The following CENPU variants were observed in gnomAD, a reference collection of about 807,000 sequenced individuals.
CENPU encodes KSHV latent nuclear antigen interacting protein 1.
A neutral mutation model predicts 56.7 loss-of-function variants in CENPU; 46 were observed. The observed-to-expected ratio is 0.81, with a 90% CI of 0.64 to 1.04. The LOEUF (loss-of-function observed/expected upper bound fraction) is 1.04. Among genes scored for constraint, CENPU ranks in the 50% least tolerant of loss-of-function variants. The pLI is 0.00. For synonymous variants in CENPU, 166 were observed against 163.0 expected, an observed-to-expected ratio of 1.02 and a Z score of -0.14; for missense variants, 510 against 490.1, an observed-to-expected ratio of 1.04 and a Z score of -0.38.
chr4:184,702,031 A>G (rs771916036), intron 10 of CENPU, 58 bp downstream of exon 10: 4 of 1,127,904 alleles, frequency 3.5e-6, no homozygotes, highest in East Asian at 4.7e-5. Flanking sequence ...AAGTCTTCGC[A>G]TAACTCTACA....
chr4:184,701,484 G>A (rs545804958), intron 10 of CENPU, among the ~76,000 whole-genome samples: 22 of 152,220 alleles, frequency 1.4e-4, no homozygotes, highest in African/African-American at 4.8e-4. Context: ...TTCCACTCCT[G>A]GATTCACCTC....
chr4:184,710,060 CA>C lies in CENPU; in HGVS notation c.797+11del, dbSNP rs747401462. On this transcript the variant is annotated intron_variant, in intron 8 of 12. Transcript: ENST00000281453. ...TTATTAGGTAAATATAGCACATCAT[CA>C]AAAGACTTACTGATGCTCTAGGTGG... The C allele has an allele frequency of 1.8e-5, 28 of 1,530,378 alleles. No individual in the cohort carries two copies. The Admixed American group carries it at 2.9e-4, about 16-fold the overall frequency. 94.8% of individuals were successfully genotyped at this position (1,530,378 alleles called of 1,614,324 possible). A position where few individuals can be genotyped will look rare whatever the true frequency, so the allele number is the denominator to read the frequency against.
At chr4:184,719,754 A>G (rs1761212395) in intron 4 of CENPU, among the ~76,000 whole-genome samples, 1 of 152,146 alleles carries the variant, frequency 6.6e-6, no homozygotes, top group Non-Finnish European at 1.5e-5. Context: ...GTGAGAGGAG[A>G]GGAGAGGGAA....
intron 11 of CENPU, chr4:184,699,463 G>C: frequency 2.8e-6 from 2 of 714,912 alleles, no homozygotes; most frequent in Non-Finnish European, 4.3e-6. Flanking sequence ...TGATGAGTTA[G>C]CATAGGAAGC....
At chr4:184,724,748 C>G (rs189368645) in intron 4 of CENPU, among the ~76,000 whole-genome samples, 2 of 152,322 alleles carry the variant, frequency 1.3e-5, no homozygotes, top group African/African-American at 4.8e-5. Flanking sequence ...CTAGGATAAT[C>G]AGGTGTGAAT....
At chr4:184,697,433 G>T (rs1282726759) in intron 12 of CENPU, among the ~76,000 whole-genome samples, 1 of 152,176 alleles carries the variant, frequency 6.6e-6, no homozygotes, top group African/African-American at 2.4e-5. Flanking sequence ...TACACAATCA[G>T]CAATTCTAGA....
At chr4:184,729,465 T>C (rs950391647) in intron 2 of CENPU, among the ~76,000 whole-genome samples, 2 of 152,248 alleles carry the variant, frequency 1.3e-5, no homozygotes, top group Non-Finnish European at 1.5e-5. Flanking sequence ...AGAATGAGCA[T>C]GGCTGTGTTC....
chr4:184,713,105 T>A, intron 6 of CENPU, 92 bp from the exon 7 acceptor site: 1 of 841,622 alleles, frequency 1.2e-6, no homozygotes, highest in Non-Finnish European at 1.9e-6. Flanking sequence ...TCATTCAATA[T>A]TTTAGCTGCG....
intron 2 of CENPU, 98 bp downstream of exon 2, chr4:184,730,822 T>C: frequency 1.2e-6 from 1 of 807,414 alleles, no homozygotes; most frequent in South Asian, 1.9e-5. Flanking sequence ...CAATAAACAT[T>C]GAACTTGCCA....
At chr4:184,700,751 C>T (rs1266868383) in intron 11 of CENPU, 69 bp downstream of exon 11, 116 of 1,303,564 alleles carry the variant, frequency 8.9e-5, no homozygotes, top group Middle Eastern at 1.8e-4. Flanking sequence ...AAGTGTCACT[C>T]CCCTAAATGA....
In CENPU at chr4:184,697,815, A is replaced by G. The variant is rs1468622416; in HGVS notation, c.987-12T>C. Reference sequence around the variant, plus strand: ...GCTGTGGCTCTAACCTAAAACAAAAATAAGTGACAAATAATAAAATGTACC... The same window carrying G: ...GCTGTGGCTCTAACCTAAAACAAAAGTAAGTGACAAATAATAAAATGTACC... On this transcript the variant is annotated splice_polypyrimidine_tract_variant and intron_variant, in intron 11 of 12. Transcript: ENST00000281453. The G allele has an allele frequency of 1.3e-6, 2 of 1,585,060 alleles. No homozygotes were observed. Among genetic ancestry groups the G allele is most frequent in the Non-Finnish European group, 8.5e-7 (1 of 1,169,886 alleles).
At chr4:184,698,463 T>C (rs1434813887) in intron 11 of CENPU, 2 of 152,252 alleles carry the variant, frequency 1.3e-5, no homozygotes, top group Admixed American at 6.5e-5. Context: ...TTTGTTTGTT[T>C]TTTTGAGACA....
At chr4:184,730,262 C>T (rs10006828) in intron 2 of CENPU, among the ~76,000 whole-genome samples, 26,756 of 151,878 alleles carry the variant, frequency 0.18, 2,652 homozygotes, top group African/African-American at 0.26. Flanking sequence ...GAAGTAATGC[C>T]GGGGTGGGAG....
At chr4:184,715,527 G>C (rs1287013185) in intron 6 of CENPU, among the ~76,000 whole-genome samples, 1 of 152,136 alleles carries the variant, frequency 6.6e-6, no homozygotes, top group Non-Finnish European at 1.5e-5. Flanking sequence ...TGGCCAGGCT[G>C]GTCTCGAACT....
chr4:184,710,953 T>G (rs993501863), intron 7 of CENPU, among the ~76,000 whole-genome samples: 1 of 152,132 alleles, frequency 6.6e-6, no homozygotes, highest in Non-Finnish European at 1.5e-5. Context: ...AGTCCTAGGC[T>G]CAAGTGATCC....
chr4:184,722,643 A>G (rs1761318631), intron 4 of CENPU, among the ~76,000 whole-genome samples: 1 of 152,088 alleles, frequency 6.6e-6, no homozygotes, highest in African/African-American at 2.4e-5. Flanking sequence ...TGTTGAAAAA[A>G]AAAACCACCA....
chr4:184,695,281 G>A lies in CENPU; in HGVS notation c.*7C>T, dbSNP rs768998598. On this transcript the variant is annotated 3_prime_UTR_variant, in exon 13 of 13. Coordinates refer to ENST00000281453, the MANE Select transcript of CENPU (RefSeq NM_024629.4). ...TCCTATAGGCACATTTTAGTAGACTGCTCTTCTCATCCCTGGTCAAGGAGC... is the reference window on the plus strand; with the variant it reads ...TCCTATAGGCACATTTTAGTAGACTACTCTTCTCATCCCTGGTCAAGGAGC... The A allele has an allele frequency of 6.3e-6, 10 of 1,591,556 alleles. No homozygotes were observed. The highest frequency in any genetic ancestry group is 8.6e-6 in the Non-Finnish European group (10 of 1,159,790).
intron 4 of CENPU, among the ~76,000 whole-genome samples, chr4:184,724,284 A>C (rs114823345): frequency 0.022 from 3,365 of 152,264 alleles, 67 homozygotes; most frequent in Middle Eastern, 0.037. Context: ...AAACAAACAA[A>C]CAACCAAACA....
chr4:184,715,956 G>A (rs192914312), intron 6 of CENPU, among the ~76,000 whole-genome samples: 8 of 144,834 alleles, frequency 5.5e-5, no homozygotes, highest in East Asian at 4.2e-4. Context: ...TTTTTAAGAC[G>A]GAGTCTTGCT....
Sources: allele counts gnomAD v4.1 joint callset (sites outside exome capture counted in the v4.1 genomes callset), GRCh38; gene constraint gnomAD v4.1.1; transcripts MANE v1.5; gene names NCBI Gene and HGNC (gene_info 2026-07-23, HGNC 2026-07-21).